SSPN: variants seen among roughly 807,000 people sequenced by gnomAD.
SSPN encodes sarcospan, also known as K-ras oncogene-associated protein.
A neutral mutation model predicts 19.1 loss-of-function variants in SSPN; 15 were observed. That is an observed-to-expected ratio of 0.78 (90% CI 0.52 to 1.21). SSPN has a LOEUF of 1.21. Ranked by LOEUF, SSPN falls within the 50% of genes most tolerant of loss-of-function variation. The pLI is 0.00. For missense variants in SSPN, 291 were observed against 314.0 expected (o/e 0.93, Z 0.55); for synonymous variants, 147 against 140.3 (o/e 1.05, Z -0.34).
intron 1 of SSPN, chr12:26,135,035 G>A (rs1944417516): frequency 6.6e-6 from 1 of 152,270 alleles, no homozygotes; most frequent in African/African-American, 2.4e-5. Context: ...GCCTTGGTAA[G>A]TTGAGTTTCT....
intron 1 of SSPN, among the ~76,000 whole-genome samples, chr12:26,148,280 T>C (rs1944504839): frequency 6.6e-6 from 1 of 152,210 alleles, no homozygotes; most frequent in African/African-American, 2.4e-5. Flanking sequence ...TCCCGAGATC[T>C]GAATTGGGTG....
chr12:26,188,394 T>C lies in SSPN; in HGVS notation c.-30-35899T>C, dbSNP rs16930285. On this transcript the variant is annotated intron_variant, in intron 1 of 2. Transcript: ENST00000538142. ...TAAGTCCATGGAAACATGCATATTA[T>C]ACAAATGATCAAAGATGTCAGTCTG... is the stretch of plus-strand genomic sequence containing the variant. Among the ~76,000 whole-genome samples the C allele has an allele frequency of 2.9e-3, 449 of 152,370 alleles. 4 individuals carry two copies. Among genetic ancestry groups the C allele is most frequent in the African/African-American group, 0.01 (429 of 41,590 alleles).
At chr12:26,182,581 C>CCCCTTCCCTTCCCTTCCCTTCCCTT (rs67332101) in intron 1 of SSPN, among the ~76,000 whole-genome samples, 60 of 100,476 alleles carry the variant, frequency 6.0e-4, no homozygotes, top group Non-Finnish European at 9.6e-4. Context: ...CCTTCCCCTT[C>CCCCTTCCCTTCCCTTCCCTTCCCTT]CCCTTCCCTT....
At chr12:26,152,851 T>C (rs1338899652) in intron 1 of SSPN, among the ~76,000 whole-genome samples, 2 of 152,248 alleles carry the variant, frequency 1.3e-5, no homozygotes, top group Non-Finnish European at 2.9e-5. Context: ...GCCTATCTTA[T>C]CTGGCTGCAG....
At chr12:26,193,431 A>G (rs1293657432), upstream of SSPN, among the ~76,000 whole-genome samples, 2 of 152,216 alleles carry the variant, frequency 1.3e-5, no homozygotes, top group Non-Finnish European at 2.9e-5. Context: ...ACAATAAAAT[A>G]TGTAAAGCAC....
At chr12:26,185,653 G>T (rs991933850) in intron 1 of SSPN, among the ~76,000 whole-genome samples, 2 of 152,162 alleles carry the variant, frequency 1.3e-5, no homozygotes, top group East Asian at 1.9e-4. Flanking sequence ...GAACCAGTAG[G>T]CCCACCCTGA....
At chr12:26,191,694 AC>A (rs1591870882), upstream of SSPN, among the ~76,000 whole-genome samples, 18 of 69,426 alleles carry the variant, frequency 2.6e-4, no homozygotes, top group Admixed American at 2.1e-3. Flanking sequence ...ACACACACAC[AC>A]ACACACACAC....
intron 1 of SSPN, among the ~76,000 whole-genome samples, chr12:26,158,979 A>G (rs2137422413): frequency 6.6e-6 from 1 of 152,350 alleles, no homozygotes; most frequent in Non-Finnish European, 1.5e-5. Flanking sequence ...GTCAGGAGCT[A>G]GGTTAGGCCA....
chr12:26,157,817 T>A (rs1944564754), intron 1 of SSPN, among the ~76,000 whole-genome samples: 1 of 152,206 alleles, frequency 6.6e-6, no homozygotes, highest in Admixed American at 6.5e-5. Context: ...ATCAATGTCT[T>A]GACCATTATA....
chr12:26,182,522 G>T (rs73086959), intron 1 of SSPN, among the ~76,000 whole-genome samples: 1 of 151,490 alleles, frequency 6.6e-6, no homozygotes. Context: ...TGAAGGACCA[G>T]GCTCATTTCA....
intron 1 of SSPN, among the ~76,000 whole-genome samples, chr12:26,172,846 C>G (rs1037598669): frequency 6.6e-6 from 1 of 151,838 alleles, no homozygotes; most frequent in African/African-American, 2.4e-5. Flanking sequence ...ACTTTCTTTA[C>G]AGATCTCTCT....
intron 2 of SSPN, among the ~76,000 whole-genome samples, chr12:26,228,655 C>CAG (rs1945201316): frequency 1.3e-5 from 2 of 148,242 alleles, no homozygotes; most frequent in South Asian, 4.2e-4. Context: ...ACGATGGGTA[C>CAG]ACACACACAC....
Position 26,155,086 on chromosome 12 carries a change from A to G in SSPN, c.-31+32934A>G, listed in dbSNP as rs181969912. Among the ~76,000 whole-genome samples the G allele has an allele frequency of 3.6e-3, 543 of 152,288 alleles. 5 individuals carry two copies. The highest frequency in any genetic ancestry group is 3.3e-3 in the Non-Finnish European group (226 of 68,016). ...TTATTGAATATCGACTTTTTAGGGG[A>G]AAAAAAGCAAAACCATGTTCTATGA... On this transcript the variant is annotated intron_variant, in intron 1 of 2. Transcript: ENST00000538142.
In SSPN at chr12:26,207,152, A is replaced by T. The variant is rs1185184446; in HGVS notation, c.279+11201A>T. 2.0e-5 allele frequency among the ~76,000 whole-genome samples: 3 copies of T among 152,222 alleles called. No homozygotes were observed. The East Asian group carries it at 5.8e-4, about 29-fold the overall frequency. On this transcript the variant is annotated intron_variant, in intron 1 of 2. Transcript: ENST00000242729. ...GACTCCAGCTTTGGAGTAAGGGTAG[A>T]ATTCTGGCTCTACTAATGTAGAATC...
At chr12:26,122,535 AC>A in intron 1 of SSPN, 1 of 1,257,848 alleles carries the variant, frequency 8.0e-7, no homozygotes. Flanking sequence ...GCCGAACGCC[AC>A]CAGCGAGCTG....
intron 1 of SSPN, among the ~76,000 whole-genome samples, chr12:26,135,416 C>T (rs1041518506): frequency 2.6e-5 from 4 of 152,106 alleles, no homozygotes; most frequent in Non-Finnish European, 5.9e-5. Context: ...GAATGCCAAG[C>T]TGGTAGGCAC....
chr12:26,128,678 A>G (rs1442787735), intron 1 of SSPN, among the ~76,000 whole-genome samples: 1 of 152,238 alleles, frequency 6.6e-6, no homozygotes, highest in African/African-American at 2.4e-5. Context: ...AGGAAAGCTT[A>G]ATGCTATCCT....
At chr12:26,190,234 C>G (rs376076292) in intron 1 of SSPN, among the ~76,000 whole-genome samples, 1 of 152,198 alleles carries the variant, frequency 6.6e-6, no homozygotes, top group Admixed American at 6.5e-5. Flanking sequence ...CTGAATAACT[C>G]AAGTGTTGCT....
chr12:26,174,474 C>T (rs1224732462), intron 1 of SSPN, among the ~76,000 whole-genome samples: 8 of 74,450 alleles, frequency 1.1e-4, no homozygotes, highest in East Asian at 8.8e-4. Flanking sequence ...CTGCTACCCA[C>T]GCTTCCTTCC....
Sources: gnomAD v4.1 joint callset for allele counts (sites outside exome capture counted in the v4.1 genomes callset) on GRCh38, gnomAD v4.1.1 for gene constraint, MANE v1.5 for transcripts, NCBI Gene and HGNC (gene_info 2026-07-23, HGNC 2026-07-21) for gene names.